Variants in FHIT observed in about 807,000 individuals in gnomAD.
FHIT encodes the protein fragile histidine triad diadenosine triphosphatase, also known as bis(5'-adenosyl)-triphosphatase.
A neutral mutation model predicts 17.9 loss-of-function variants in FHIT; 19 were observed. The observed-to-expected ratio is 1.06, with a 90% CI of 0.74 to 1.56. The LOEUF (loss-of-function observed/expected upper bound fraction) is 1.56, where lower values mean the gene tolerates loss of function less well. Among genes scored for constraint, FHIT ranks in the 40% most tolerant of loss-of-function variants. The pLI, the probability that FHIT is intolerant of heterozygous loss-of-function variation, is 0.00. For synonymous variants in FHIT, 81 were observed against 69.7 expected, an observed-to-expected ratio of 1.16 and a Z score of -0.81; for missense variants, 248 against 189.2, an observed-to-expected ratio of 1.31 and a Z score of -1.82.
At chr3:60,074,665 A>G (rs79618644) in intron 5 of FHIT, among the ~76,000 whole-genome samples, 41 of 24,248 alleles carry the variant, frequency 1.7e-3, no homozygotes, top group African/African-American at 5.5e-3. Context: ...TCCAAAGGGG[A>G]AAAAAAAACA....
intron 5 of FHIT, among the ~76,000 whole-genome samples, chr3:60,226,394 C>A (rs915411227): frequency 2.0e-5 from 3 of 146,630 alleles, no homozygotes; most frequent in Non-Finnish European, 3.0e-5. Context: ...ACCGCTTGAA[C>A]CCGGGAGGCG....
At chr3:60,485,251 C>T (rs1462405742) in intron 5 of FHIT, among the ~76,000 whole-genome samples, 3 of 152,134 alleles carry the variant, frequency 2.0e-5, no homozygotes, top group African/African-American at 7.2e-5. Flanking sequence ...TATAGTGATT[C>T]CTCAAGGATC....
chr3:59,822,569 CA>C (rs150230811), intron 8 of FHIT, among the ~76,000 whole-genome samples: 3,177 of 152,142 alleles, frequency 0.021, 107 homozygotes, highest in African/African-American at 0.071. Context: ...AGCATTTTTT[CA>C]TATATTTTTT....
At chr3:60,216,276 G>C (rs1292906475) in intron 5 of FHIT, among the ~76,000 whole-genome samples, 2 of 152,178 alleles carry the variant, frequency 1.3e-5, no homozygotes, top group Non-Finnish European at 2.9e-5. Context: ...TTAGAAGACT[G>C]ATCTAAAGAC....
intron 3 of FHIT, among the ~76,000 whole-genome samples, chr3:60,879,857 A>C (rs1482605817): frequency 6.6e-6 from 1 of 151,922 alleles, no homozygotes; most frequent in Non-Finnish European, 1.5e-5. Flanking sequence ...AAAAATAAGA[A>C]AGAAAAAGAG....
At chr3:60,228,450 G>A (rs1164653737) in intron 5 of FHIT, among the ~76,000 whole-genome samples, 2 of 152,084 alleles carry the variant, frequency 1.3e-5, no homozygotes, top group African/African-American at 4.8e-5. Flanking sequence ...ATTGCATACT[G>A]TTAAAAGGTG....
chr3:60,248,923 T>C (rs1468117913), intron 5 of FHIT, among the ~76,000 whole-genome samples: 1 of 152,162 alleles, frequency 6.6e-6, no homozygotes, highest in Non-Finnish European at 1.5e-5. Context: ...ACCTGGAGAA[T>C]GCTGCACAAA....
chr3:60,610,807 A>G (rs2038762407), intron 4 of FHIT, among the ~76,000 whole-genome samples: 1 of 152,182 alleles, frequency 6.6e-6, no homozygotes, highest in African/African-American at 2.4e-5. Flanking sequence ...CAAGAACACA[A>G]TGCTCTCACC....
At chr3:61,092,788 G>A (rs966866838) in intron 2 of FHIT, among the ~76,000 whole-genome samples, 4 of 152,196 alleles carry the variant, frequency 2.6e-5, no homozygotes, top group African/African-American at 9.6e-5. Context: ...TAATTTTTTT[G>A]TGGATGATGA....
intron 2 of FHIT, among the ~76,000 whole-genome samples, chr3:61,042,554 A>C (rs2033570487): frequency 6.6e-6 from 1 of 152,124 alleles, no homozygotes; most frequent in South Asian, 2.1e-4. Flanking sequence ...AAAAATTTAA[A>C]CAGGCAGGGT....
At chr3:60,704,011 C>T (rs914462340) in intron 4 of FHIT, among the ~76,000 whole-genome samples, 18 of 151,702 alleles carry the variant, frequency 1.2e-4, no homozygotes, top group Non-Finnish European at 5.9e-5. Flanking sequence ...AAAATCTAGC[C>T]GTACCAGTAT....
At chr3:60,384,841 A>C (rs1482119668) in intron 5 of FHIT, among the ~76,000 whole-genome samples, 1 of 121,734 alleles carries the variant, frequency 8.2e-6, no homozygotes, top group Non-Finnish European at 1.6e-5. Context: ...ATTAGTAAAA[A>C]AAAAAAAAAA....
At chr3:61,162,628 G>T (rs533883673) in intron 2 of FHIT, among the ~76,000 whole-genome samples, 40 of 152,224 alleles carry the variant, frequency 2.6e-4, no homozygotes, top group Non-Finnish European at 5.0e-4. Flanking sequence ...ATAAAACTTT[G>T]CTTCATCTAG....
intron 5 of FHIT, among the ~76,000 whole-genome samples, chr3:60,526,503 G>A (rs907784312): frequency 6.6e-6 from 1 of 152,062 alleles, no homozygotes; most frequent in African/African-American, 2.4e-5. Context: ...GTGCTTCTGG[G>A]CTTCTTCAAA....
At chr3:60,702,591 A>G (rs1553702474) in intron 4 of FHIT, among the ~76,000 whole-genome samples, 1 of 151,922 alleles carries the variant, frequency 6.6e-6, no homozygotes, top group Non-Finnish European at 1.5e-5. Flanking sequence ...TTATATATTT[A>G]TTTTGTGATC....
chr3:59,881,497 C>G (rs1390538743), intron 8 of FHIT, among the ~76,000 whole-genome samples: 1 of 152,072 alleles, frequency 6.6e-6, no homozygotes, highest in Non-Finnish European at 1.5e-5. Context: ...ATCACAAGCC[C>G]CCTGTTAGAT....
intron 5 of FHIT, among the ~76,000 whole-genome samples, chr3:60,335,061 G>C (rs1710168543): frequency 6.6e-6 from 1 of 152,018 alleles, no homozygotes; most frequent in African/African-American, 2.4e-5. Flanking sequence ...TTATTAAAAA[G>C]ACCAAATTAC....
intron 3 of FHIT, among the ~76,000 whole-genome samples, chr3:60,912,431 T>C (rs1292500345): frequency 2.6e-5 from 4 of 152,122 alleles, no homozygotes; most frequent in African/African-American, 9.7e-5. Context: ...GGGGTTATTA[T>C]AGGGATTAAG....
chr3:60,743,121 C>T (rs2042272466), intron 4 of FHIT, among the ~76,000 whole-genome samples: 1 of 152,124 alleles, frequency 6.6e-6, no homozygotes, highest in African/African-American at 2.4e-5. Context: ...GGACACAGTG[C>T]TGCTTGAATC....
Sources: gnomAD v4.1 joint callset for allele counts (sites outside exome capture counted in the v4.1 genomes callset) on GRCh38, gnomAD v4.1.1 for gene constraint, MANE v1.5 for transcripts, NCBI Gene and HGNC (gene_info 2026-07-23, HGNC 2026-07-21) for gene names.